SNX29: variants seen among roughly 807,000 people sequenced by gnomAD.
SNX29 encodes sorting nexin 29.
Under a neutral mutation model 102.1 loss-of-function variants are expected in SNX29, and 78 were observed. That is an observed-to-expected ratio of 0.76 (90% CI 0.64 to 0.92). The LOEUF is 0.92. SNX29 is among the 40% of genes least tolerant of loss of function. The probability of loss-of-function intolerance (pLI) is 0.00; values close to 1 mark genes in which losing one functional copy is unlikely to be tolerated. For missense variants in SNX29, 1,280 were observed against 1,061.7 expected (o/e 1.21, Z -2.86); for synonymous variants, 580 against 414.5 (o/e 1.40, Z -4.85).
intron 15 of SNX29, among the ~76,000 whole-genome samples, chr16:12,286,516 T>G (rs1596763495): frequency 6.6e-6 from 1 of 151,912 alleles, no homozygotes; most frequent in African/African-American, 2.4e-5. Context: ...GGTTAATTTT[T>G]TTGTATTTTT....
chr16:12,564,041 A>G (rs977949423), intron 20 of SNX29, among the ~76,000 whole-genome samples: 5 of 146,800 alleles, frequency 3.4e-5, no homozygotes, highest in African/African-American at 1.2e-4. Flanking sequence ...TGCACCGGTA[A>G]AAGGTTGTGG....
intron 20 of SNX29, among the ~76,000 whole-genome samples, chr16:12,549,162 G>C (rs935821293): frequency 6.6e-6 from 1 of 152,168 alleles, no homozygotes; most frequent in Non-Finnish European, 1.5e-5. Context: ...TATCACATTT[G>C]CTGTTCATGG....
chr16:12,545,124 C>A (rs943356713), intron 20 of SNX29, among the ~76,000 whole-genome samples: 1 of 152,176 alleles, frequency 6.6e-6, no homozygotes, highest in Non-Finnish European at 1.5e-5. Flanking sequence ...CTGTGAGGCC[C>A]CACTTACCTA....
At chr16:12,354,585 A>C (rs2082078358) in intron 15 of SNX29, among the ~76,000 whole-genome samples, 1 of 152,230 alleles carries the variant, frequency 6.6e-6, no homozygotes, top group African/African-American at 2.4e-5. Flanking sequence ...TTTAAGGCTC[A>C]CATTTTGTGG....
At chr16:12,150,467 C>T (rs1192747120) in intron 13 of SNX29, among the ~76,000 whole-genome samples, 1 of 152,216 alleles carries the variant, frequency 6.6e-6, no homozygotes, top group Non-Finnish European at 1.5e-5. Context: ...CCAGACCTAA[C>T]CCAGGCCTTC....
chr16:12,086,256 G>A (rs978850057), intron 11 of SNX29, among the ~76,000 whole-genome samples: 2 of 151,960 alleles, frequency 1.3e-5, no homozygotes, highest in Admixed American at 6.6e-5. Context: ...TGCCCGCCTC[G>A]GCGTCTCAAA....
chr16:12,035,246 TC>T (rs1436763624), intron 4 of SNX29, among the ~76,000 whole-genome samples: 1 of 149,186 alleles, frequency 6.7e-6, no homozygotes, highest in Non-Finnish European at 1.5e-5. Context: ...AGGGTCTTGC[TC>T]TGTTGCCAGG....
intron 11 of SNX29, chr16:12,081,277 A>G (rs1012823998): frequency 1.3e-5 from 2 of 152,162 alleles, no homozygotes; most frequent in Admixed American, 6.5e-5. Flanking sequence ...AAGCTCTGTA[A>G]CCACCAGCAA....
At chr16:12,388,543 C>T (rs1221747582) in intron 16 of SNX29, among the ~76,000 whole-genome samples, 1 of 152,218 alleles carries the variant, frequency 6.6e-6, no homozygotes, top group African/African-American at 2.4e-5. Context: ...AATTGGCAAA[C>T]ATTTTCCGTA....
intron 13 of SNX29, among the ~76,000 whole-genome samples, chr16:12,172,045 T>C (rs13337732): frequency 0.013 from 1,997 of 152,340 alleles, 47 homozygotes; most frequent in African/African-American, 0.046. Flanking sequence ...CCACTTATTT[T>C]TCTAAATTAC....
At chr16:12,263,078 A>T (rs1176563302) in intron 14 of SNX29, among the ~76,000 whole-genome samples, 1 of 151,634 alleles carries the variant, frequency 6.6e-6, no homozygotes, top group Non-Finnish European at 1.5e-5. Context: ...CCAGTGAAAT[A>T]TTAACTGACA....
intron 14 of SNX29, among the ~76,000 whole-genome samples, chr16:12,275,325 C>G (rs1264360212): frequency 6.6e-6 from 1 of 152,140 alleles, no homozygotes; most frequent in Non-Finnish European, 1.5e-5. Flanking sequence ...GGGAGAAACT[C>G]AGAAGTTCAG....
intron 16 of SNX29, among the ~76,000 whole-genome samples, chr16:12,369,594 C>T (rs1008107107): frequency 6.6e-6 from 1 of 152,134 alleles, no homozygotes; most frequent in Non-Finnish European, 1.5e-5. Context: ...TTCTGTCATC[C>T]TAAAAATGTG....
intron 20 of SNX29, among the ~76,000 whole-genome samples, chr16:12,540,063 C>G (rs1029155045): frequency 3.9e-5 from 6 of 152,178 alleles, no homozygotes; most frequent in Admixed American, 6.5e-5. Flanking sequence ...CCAGATCATG[C>G]TTTTGGTGTC....
intron 15 of SNX29, among the ~76,000 whole-genome samples, chr16:12,319,310 C>G (rs569367954): frequency 1.3e-5 from 2 of 152,226 alleles, no homozygotes; most frequent in South Asian, 2.1e-4. Flanking sequence ...GAGACCAGCC[C>G]AAGCAACATA....
At chr16:12,454,197 G>A (rs1166892398) in intron 18 of SNX29, among the ~76,000 whole-genome samples, 2 of 152,102 alleles carry the variant, frequency 1.3e-5, no homozygotes, top group Non-Finnish European at 2.9e-5. Context: ...TATGATAGGT[G>A]GAACTCCAGC....
intron 13 of SNX29, among the ~76,000 whole-genome samples, chr16:12,161,889 CT>C (rs2055799666): frequency 6.6e-6 from 1 of 152,214 alleles, no homozygotes; most frequent in Admixed American, 6.5e-5. Context: ...GTCTGCAGAA[CT>C]GTGAACCAAA....
At chr16:12,057,736 A>G (rs1286234251) in intron 8 of SNX29, among the ~76,000 whole-genome samples, 1 of 151,976 alleles carries the variant, frequency 6.6e-6, no homozygotes, top group East Asian at 1.9e-4. Context: ...AACATCTCAA[A>G]TGATGTTTAA....
At chr16:12,018,207 T>C (rs1397198755) in intron 3 of SNX29, among the ~76,000 whole-genome samples, 1 of 152,214 alleles carries the variant, frequency 6.6e-6, no homozygotes, top group African/African-American at 2.4e-5. Context: ...TGTTTCTTTT[T>C]ATCTGTTTGA....
Sources: allele counts gnomAD v4.1 joint callset (sites outside exome capture counted in the v4.1 genomes callset), GRCh38; gene constraint gnomAD v4.1.1; transcripts MANE v1.5; gene names NCBI Gene and HGNC (gene_info 2026-07-23, HGNC 2026-07-21).